The following ZRANB1 variants were observed in gnomAD, a reference collection of about 807,000 sequenced individuals.
ZRANB1 encodes zinc finger RANBP2-type containing 1.
Under a neutral mutation model 80.5 loss-of-function variants are expected in ZRANB1, and 16 were observed. That is an observed-to-expected ratio of 0.20 (90% CI 0.13 to 0.30). ZRANB1 has a LOEUF of 0.30. ZRANB1 is among the 10% of genes least tolerant of loss of function. The pLI, the probability that ZRANB1 is intolerant of heterozygous loss-of-function variation, is 1.00. For missense variants in ZRANB1, 576 were observed against 862.6 expected, an observed-to-expected ratio of 0.67 and a Z score of 4.16; for synonymous variants, 291 against 293.1, an observed-to-expected ratio of 0.99 and a Z score of 0.07.
At chr10:124,959,327 G>T (rs1951712480) in intron 1 of ZRANB1, among the ~76,000 whole-genome samples, 1 of 152,172 alleles carries the variant, frequency 6.6e-6, no homozygotes, top group Non-Finnish European at 1.5e-5. Flanking sequence ...AGAGAAGTCA[G>T]TTGGTTGGAG....
the ZRANB1 span, among the ~76,000 whole-genome samples, chr10:124,927,952 G>T: frequency 6.6e-6 from 1 of 152,190 alleles, no homozygotes; most frequent in African/African-American, 2.4e-5. Context: ...CATAAGAATT[G>T]CTTGAACCTG....
the ZRANB1 span, among the ~76,000 whole-genome samples, chr10:124,935,178 T>C: frequency 6.6e-6 from 1 of 152,286 alleles, no homozygotes; most frequent in Non-Finnish European, 1.5e-5. Context: ...GCTGAAGTCA[T>C]GGCTTGCTGT....
rs1213482348 is a variant in ZRANB1, at chr10:124,987,448, TTA to T, written c.*2458_*2459del. 2.6e-5 allele frequency: 4 copies of T among 152,102 alleles called. No individual in the cohort carries two copies. The highest frequency in any genetic ancestry group is 5.9e-5 in the Non-Finnish European group (4 of 68,024). The allele number at this position is 152,102 out of a possible 1,614,324, so 9.4% of individuals were successfully genotyped here. On this transcript the variant is annotated 3_prime_UTR_variant, in exon 9 of 9. Transcript: ENST00000359653. Reference sequence around the variant, plus strand: ...GGACCATGGATTCAGACCTGCCTTTTTATGTTTTTGACTCTTAGGTTCATCGT... The same window carrying T: ...GGACCATGGATTCAGACCTGCCTTTTTGTTTTTGACTCTTAGGTTCATCGT...
At chr10:124,933,921 A>C in the ZRANB1 span, among the ~76,000 whole-genome samples, 2 of 152,198 alleles carry the variant, frequency 1.3e-5, no homozygotes, top group Admixed American at 1.3e-4. Context: ...AAAGAGCATT[A>C]ATATTGTTTC....
rs1211821796 is a variant in ZRANB1 at position 124,983,362 on chromosome 10, C to T, written c.1678+58C>T. ...TCTTTGAACGGAATGGCTCAGATGT[C>T]AGGAAGGAGCAGTGGACAGGGGAAT... is the stretch of plus-strand genomic sequence containing the variant. On this transcript the variant is annotated intron_variant, in intron 7 of 8. Transcript: ENST00000359653. The surrounding 1 kb of genome is among the most constrained non-coding windows in gnomAD (Gnocchi z 6.2). 1.7e-5 allele frequency: 28 copies of T among 1,601,310 alleles called. No homozygotes were observed. The highest frequency in any genetic ancestry group is 2.4e-5 in the Non-Finnish European group (28 of 1,172,416).
chr10:124,944,997 A>G (rs1393449051), intron 1 of ZRANB1, among the ~76,000 whole-genome samples: 1 of 152,014 alleles, frequency 6.6e-6, no homozygotes, highest in Non-Finnish European at 1.5e-5. Context: ...TTCTGCTCCA[A>G]ATTGAGGGGC....
chr10:124,929,282 G>T, the ZRANB1 span, among the ~76,000 whole-genome samples: 1 of 151,816 alleles, frequency 6.6e-6, no homozygotes, highest in African/African-American at 2.4e-5. Flanking sequence ...CAGAACTGGG[G>T]TTCACTTCCT....
chr10:124,944,876 G>A (rs1208350825), intron 1 of ZRANB1, among the ~76,000 whole-genome samples: 1 of 152,004 alleles, frequency 6.6e-6, no homozygotes, highest in African/African-American at 2.4e-5. Context: ...TCCAGACTTA[G>A]TAGGCACTTA....
intron 6 of ZRANB1, among the ~76,000 whole-genome samples, chr10:124,982,461 T>C (rs1951944342): frequency 6.6e-6 from 1 of 152,252 alleles, no homozygotes; most frequent in African/African-American, 2.4e-5. Flanking sequence ...TTTTTATTAA[T>C]GAAGGCTGCT....
rs1246614734 is a variant in ZRANB1 at position 124,986,287 on chromosome 10, G to GCACACACA, written c.*1296_*1297insACACACAC. 6 of 73,020 alleles carry GCACACACA rather than the reference G, an allele frequency of 8.2e-5. No individual in the cohort carries two copies. The highest frequency in any genetic ancestry group is 2.5e-4 in the African/African-American group (6 of 23,686). The allele number at this position is 73,020 out of a possible 1,614,324, so 4.5% of individuals were successfully genotyped here. ...GGAAAGACGACACACGCACGCGCGC[G>GCACACACA]CGCGCACACACACACACACACACAC... On this transcript the variant is annotated 3_prime_UTR_variant, in exon 9 of 9. Coordinates refer to ENST00000359653, the MANE Select transcript of ZRANB1 (RefSeq NM_017580.3).
At chr10:124,941,817 A>G (rs1252924122), upstream of ZRANB1, among the ~76,000 whole-genome samples, 2 of 152,012 alleles carry the variant, frequency 1.3e-5, no homozygotes, top group Non-Finnish European at 2.9e-5. Flanking sequence ...ATAGAACTAG[A>G]TTTTGAGGCT....
chr10:124,980,205 T>A (rs1466035556), intron 5 of ZRANB1, among the ~76,000 whole-genome samples: 1 of 152,232 alleles, frequency 6.6e-6, no homozygotes, highest in African/African-American at 2.4e-5. Flanking sequence ...AAACTGGTAT[T>A]CCTGTACCAT....
chr10:124,976,665 G>A (rs1182855858), intron 5 of ZRANB1, among the ~76,000 whole-genome samples: 3 of 139,758 alleles, frequency 2.1e-5, no homozygotes, highest in Non-Finnish European at 4.5e-5. Context: ...TCTGCCTCCC[G>A]GGTTCAAGCA....
At chr10:124,963,375 A>G (rs960702776) in intron 1 of ZRANB1, among the ~76,000 whole-genome samples, 3 of 150,074 alleles carry the variant, frequency 2.0e-5, no homozygotes, top group African/African-American at 4.9e-5. Flanking sequence ...GGAACTTTTC[A>G]TTTTTTCCTG....
At chr10:124,931,919 A>G in the ZRANB1 span, among the ~76,000 whole-genome samples, 1 of 152,228 alleles carries the variant, frequency 6.6e-6, no homozygotes, top group African/African-American at 2.4e-5. Flanking sequence ...AGTATCTATC[A>G]TAATAGCACA....
the ZRANB1 span, among the ~76,000 whole-genome samples, chr10:124,928,283 G>A: frequency 6.6e-6 from 1 of 152,072 alleles, no homozygotes; most frequent in Non-Finnish European, 1.5e-5. Flanking sequence ...CGGTGTCGCC[G>A]AAGCATGCGG....
chr10:124,925,706 C>T, the ZRANB1 span, among the ~76,000 whole-genome samples: 1 of 152,162 alleles, frequency 6.6e-6, no homozygotes, highest in Non-Finnish European at 1.5e-5. Flanking sequence ...ATTTAGGTCT[C>T]TGATCATTTT....
At position 124,952,204 on chromosome 10, in the gene ZRANB1, C is replaced by T. The variant is rs571815797; in HGVS notation, c.814+8897C>T. The stretch of plus-strand genomic sequence containing the variant: ...CAGGATTTGTGAGTATGCCACCTTA[C>T]GTGGCAAAAGAGATTTTACAGAAGT... On this transcript the variant is annotated intron_variant, in intron 1 of 8. Transcript: ENST00000359653. 1.8e-4 allele frequency among the ~76,000 whole-genome samples: 27 copies of T among 152,190 alleles called. No individual in the cohort carries two copies. In the South Asian group the frequency reaches 4.4e-3, roughly 25 times the overall value.
intron 2 of ZRANB1, among the ~76,000 whole-genome samples, chr10:124,967,765 T>G (rs893477561): frequency 6.6e-5 from 10 of 152,106 alleles, no homozygotes; most frequent in African/African-American, 2.2e-4. Flanking sequence ...GTAGACTGAT[T>G]GGATATGGGA....
Sources: gnomAD v4.1 joint callset for allele counts (sites outside exome capture counted in the v4.1 genomes callset) on GRCh38, gnomAD v4.1.1 for gene constraint, Gnocchi (gnomAD v3.1) non-coding constraint, MANE v1.5 for transcripts, NCBI Gene and HGNC (gene_info 2026-07-23, HGNC 2026-07-21) for gene names.